RPS6KA2: variants seen among roughly 807,000 people sequenced by gnomAD.
The protein encoded by RPS6KA2 is ribosomal protein S6 kinase alpha-2.
A neutral mutation model predicts 91.8 loss-of-function variants in RPS6KA2; 42 were observed. The ratio of observed to expected loss-of-function variants is 0.46; its 90% confidence interval spans 0.36 to 0.59. RPS6KA2 has a LOEUF of 0.59. Among genes scored for constraint, RPS6KA2 ranks in the 20% least tolerant of loss-of-function variants. The probability of loss-of-function intolerance (pLI) is 0.00; values close to 1 mark genes in which losing one functional copy is unlikely to be tolerated. For missense variants in RPS6KA2, 798 were observed against 978.5 expected (o/e 0.82, Z 2.46); for synonymous variants, 414 against 393.6 (o/e 1.05, Z -0.61).
Position 166,666,871 on chromosome 6 carries a change from G to A in RPS6KA2, c.124-128087C>T, listed in dbSNP as rs572796854. ...TAGCCAAAAGATGGAAGCAACCTCA[G>A]TGTTCATTGGTGGATGGATGGGTAG... On this transcript the variant is annotated intron_variant, in intron 2 of 21. Transcript: ENST00000503859. This position sits in a 1 kb window ranked among gnomAD's most constrained non-coding sequence, Gnocchi z 4.0. 2.6e-5 allele frequency among the ~76,000 whole-genome samples: 4 copies of A among 152,354 alleles called. No individual in the cohort carries two copies. In the South Asian group the frequency reaches 6.2e-4, roughly 24 times the overall value.
chr6:166,625,471 G>A (rs1228871156), intron 1 of RPS6KA2, among the ~76,000 whole-genome samples: 2 of 152,140 alleles, frequency 1.3e-5, no homozygotes, highest in East Asian at 1.9e-4. Flanking sequence ...GTCAGCCAGT[G>A]TCTAGTGCTG....
intron 2 of RPS6KA2, among the ~76,000 whole-genome samples, chr6:166,769,856 G>A (rs1778419341): frequency 6.6e-6 from 1 of 152,178 alleles, no homozygotes; most frequent in African/African-American, 2.4e-5. Flanking sequence ...CCCTCCCTGG[G>A]CAGCTCCGAG....
intron 2 of RPS6KA2, among the ~76,000 whole-genome samples, chr6:166,848,767 G>T (rs1409731488): frequency 5.3e-5 from 8 of 151,968 alleles, no homozygotes; most frequent in Non-Finnish European, 1.2e-4. Context: ...GGTGGGAGGG[G>T]GATGAAGGAT....
chr6:166,653,603 C>G (rs1207484965), intron 2 of RPS6KA2, among the ~76,000 whole-genome samples: 1 of 152,216 alleles, frequency 6.6e-6, no homozygotes, highest in Non-Finnish European at 1.5e-5. Context: ...CCAGGCCCTG[C>G]ACATATTTTG....
chr6:166,698,985 G>C (rs759672136), intron 2 of RPS6KA2, among the ~76,000 whole-genome samples: 11 of 152,210 alleles, frequency 7.2e-5, no homozygotes, highest in Non-Finnish European at 5.9e-5. Flanking sequence ...GTGGTCAGAT[G>C]TGTTTTTCAG....
Position 166,852,117 on chromosome 6 carries a change from T to C in RPS6KA2, c.123+6083A>G, listed in dbSNP as rs1780760200. 6.6e-6 allele frequency among the ~76,000 whole-genome samples: 1 copy of C among 152,234 alleles called. No homozygotes were observed. The highest frequency in any genetic ancestry group is 6.5e-5 in the Admixed American group (1 of 15,290). ...TTTCCAGGAGGCATGATGCTTACCC[T>C]ACCCTTTTCTAGCATTTCTGCAAGG... On this transcript the variant is annotated intron_variant, in intron 2 of 21. Coordinates refer to the RPS6KA2 transcript ENST00000503859. This position sits in a 1 kb window ranked among gnomAD's most constrained non-coding sequence, Gnocchi z 4.1.
Position 166,459,441 on chromosome 6 carries a change from G to A in RPS6KA2, c.1075+8C>T, listed in dbSNP as rs2128459732. 1 of 1,603,696 alleles carries A rather than the reference G, an allele frequency of 6.2e-7. No individual in the cohort carries two copies. Among genetic ancestry groups the A allele is most frequent in the Non-Finnish European group, 8.5e-7 (1 of 1,170,938 alleles). On this transcript the variant is annotated splice_region_variant and intron_variant, in intron 12 of 20. Transcript: ENST00000265678. This position sits in a 1 kb window ranked among gnomAD's most constrained non-coding sequence, Gnocchi z 4.9. ...GCCACCGATAGAGGGAACCACTGTG[G>A]CACACACCTGTGGGCGTCCGCGCTG...
intron 1 of RPS6KA2, among the ~76,000 whole-genome samples, chr6:166,564,366 C>CT (rs1784430174): frequency 6.6e-6 from 1 of 152,206 alleles, no homozygotes; most frequent in Non-Finnish European, 1.5e-5. Context: ...GGGCCTCCCT[C>CT]TCCCCACCAG....
chr6:166,800,653 G>A lies in RPS6KA2; in HGVS notation c.123+57547C>T, dbSNP rs971120024. ...TACAGTGCCTCGATCTTGGACTTCCGGCCTCCAGAACTGTGAGAAAGAAAT... is the reference window on the plus strand; with the variant it reads ...TACAGTGCCTCGATCTTGGACTTCCAGCCTCCAGAACTGTGAGAAAGAAAT... On this transcript the variant is annotated intron_variant, in intron 2 of 21. Transcript: ENST00000503859. 4.6e-5 allele frequency among the ~76,000 whole-genome samples: 7 copies of A among 152,106 alleles called. No homozygotes were observed. The East Asian group carries it at 5.8e-4, about 13-fold the overall frequency.
intron 16 of RPS6KA2, among the ~76,000 whole-genome samples, chr6:166,427,923 C>A (rs1583119149): frequency 6.6e-6 from 1 of 152,218 alleles, no homozygotes; most frequent in Non-Finnish European, 1.5e-5. Flanking sequence ...CTACCAATGA[C>A]TTTCTTCACA....
At chr6:166,621,378 C>T (rs1241066417) in intron 1 of RPS6KA2, among the ~76,000 whole-genome samples, 1 of 152,198 alleles carries the variant, frequency 6.6e-6, no homozygotes, top group East Asian at 1.9e-4. Flanking sequence ...GCAGGCAAGG[C>T]TTCTCACGCA....
At chr6:166,550,856 C>A (rs1783991069) in intron 1 of RPS6KA2, among the ~76,000 whole-genome samples, 1 of 151,842 alleles carries the variant, frequency 6.6e-6, no homozygotes, top group Non-Finnish European at 1.5e-5. Flanking sequence ...AAAAAATTAG[C>A]CAGGCGTGGT....
At chr6:166,693,547 C>A (rs928210113) in intron 2 of RPS6KA2, among the ~76,000 whole-genome samples, 2 of 152,150 alleles carry the variant, frequency 1.3e-5, no homozygotes, top group African/African-American at 4.8e-5. Flanking sequence ...GTCCACTTAG[C>A]CAGGATCTCT....
Position 166,494,208 on chromosome 6 carries a change from G to A in RPS6KA2, c.748-3467C>T, listed in dbSNP as rs950355993. Among the ~76,000 whole-genome samples, 1 of 152,250 alleles carries A rather than the reference G, an allele frequency of 6.6e-6. No individual in the cohort carries two copies. On this transcript the variant is annotated intron_variant, in intron 8 of 20. Coordinates refer to ENST00000265678, the MANE Select transcript of RPS6KA2 (RefSeq NM_021135.6). The surrounding 1 kb of genome is among the most constrained non-coding windows in gnomAD (Gnocchi z 5.1). ...GAGAGCTGTGTTGATCCATGCCCAT[G>A]TGTGGAGGTCCCTGTGTGCACAGAC... is the stretch of plus-strand genomic sequence containing the variant.
chr6:166,791,226 T>C (rs943325136), intron 2 of RPS6KA2, among the ~76,000 whole-genome samples: 69 of 152,158 alleles, frequency 4.5e-4, no homozygotes, highest in African/African-American at 1.6e-3. Flanking sequence ...TAGTCTCTGA[T>C]AAAACAGACT....
At chr6:166,720,129 T>G (rs1790131572) in intron 2 of RPS6KA2, among the ~76,000 whole-genome samples, 1 of 152,244 alleles carries the variant, frequency 6.6e-6, no homozygotes. Context: ...AGGCACACTT[T>G]TAAACAACAA....
At chr6:166,776,798 C>A (rs1778633252) in intron 2 of RPS6KA2, among the ~76,000 whole-genome samples, 1 of 152,222 alleles carries the variant, frequency 6.6e-6, no homozygotes, top group East Asian at 1.9e-4. Context: ...ACAGTTTGTG[C>A]GTCCATTCAT....
In RPS6KA2 at chr6:166,533,501, C is replaced by T. The variant is rs911402055; in HGVS notation, c.217-2188G>A. ...GACGCCACATTTCCCCGGCATCCTG[C>T]AGGTAAGTTGGGCAGTGACACCAGC... On this transcript the variant is annotated intron_variant, in intron 2 of 20. Coordinates refer to ENST00000265678, the MANE Select transcript of RPS6KA2 (RefSeq NM_021135.6). This position sits in a 1 kb window ranked among gnomAD's most constrained non-coding sequence, Gnocchi z 4.0. 1.3e-5 allele frequency among the ~76,000 whole-genome samples: 2 copies of T among 152,222 alleles called. No individual in the cohort carries two copies. The highest frequency in any genetic ancestry group is 1.3e-4 in the Admixed American group (2 of 15,280).
intron 16 of RPS6KA2, among the ~76,000 whole-genome samples, chr6:166,430,072 C>T (rs774935485): frequency 1.3e-5 from 2 of 151,922 alleles, no homozygotes; most frequent in Non-Finnish European, 2.9e-5. Flanking sequence ...ATTCTCCTGC[C>T]TCAGCCTCCC....
Sources: allele counts gnomAD v4.1 joint callset (sites outside exome capture counted in the v4.1 genomes callset), GRCh38; gene constraint gnomAD v4.1.1; non-coding constraint Gnocchi (gnomAD v3.1); transcripts MANE v1.5; gene names NCBI Gene and HGNC (gene_info 2026-07-23, HGNC 2026-07-21).